Variants in LRPPRC observed in about 807,000 individuals in gnomAD.
The protein encoded by LRPPRC is leucine rich pentatricopeptide repeat containing.
A neutral mutation model predicts 180.3 loss-of-function variants in LRPPRC; 120 were observed. That is an observed-to-expected ratio of 0.67 (90% CI 0.57 to 0.77). LRPPRC has a LOEUF of 0.77. Among genes scored for constraint, LRPPRC ranks in the 30% least tolerant of loss-of-function variants. The pLI is 0.00. For missense variants in LRPPRC, 2,012 were observed against 1,657.2 expected, an observed-to-expected ratio of 1.21 and a Z score of -3.72; for synonymous variants, 723 against 600.0, an observed-to-expected ratio of 1.21 and a Z score of -3.00.
rs932498467 is a variant in LRPPRC at position 43,973,727 on chromosome 2, T to C, written c.1262-13A>G. 2.5e-6 allele frequency: 4 copies of C among 1,604,680 alleles called. No individual in the cohort carries two copies. The highest frequency in any genetic ancestry group is 1.3e-5 in the African/African-American group (1 of 74,864). ...GCTTTTGCCAAATCTGAAAGAGATA[T>C]CATAAAAGATCACAAAGCTACCTCA... On this transcript the variant is annotated splice_polypyrimidine_tract_variant and intron_variant, in intron 10 of 37. Transcript: ENST00000260665.
chr2:43,894,714 AT>A, intron 35 of LRPPRC, 85 bp from the exon 36 acceptor site: 1 of 756,628 alleles, frequency 1.3e-6, no homozygotes, highest in Non-Finnish European at 2.4e-6. Flanking sequence ...TATATTAAAA[AT>A]TTTCACAATA....
chr2:43,993,140 A>G (rs943463615), intron 1 of LRPPRC, among the ~76,000 whole-genome samples: 3 of 152,206 alleles, frequency 2.0e-5, no homozygotes, highest in Non-Finnish European at 2.9e-5. Context: ...ACAGAGTAAT[A>G]TGCCAGGTCA....
At chr2:43,959,358 C>A (rs932720398) in intron 13 of LRPPRC, 2 of 596,872 alleles carry the variant, frequency 3.4e-6, no homozygotes, top group African/African-American at 1.9e-5. Context: ...TACAATATTA[C>A]AACAAATATT....
chr2:43,943,458 G>A (rs1448426397), intron 23 of LRPPRC, among the ~76,000 whole-genome samples: 8 of 151,846 alleles, frequency 5.3e-5, no homozygotes, highest in Non-Finnish European at 1.0e-4. Flanking sequence ...GTGATCACAT[G>A]CTCCTACAAA....
At chr2:43,889,042 C>T (rs546779464) in intron 37 of LRPPRC, among the ~76,000 whole-genome samples, 5 of 152,268 alleles carry the variant, frequency 3.3e-5, no homozygotes, top group South Asian at 2.1e-4. Context: ...ACATGCCGGG[C>T]ACAGTGGCTC....
intron 23 of LRPPRC, among the ~76,000 whole-genome samples, chr2:43,936,264 T>C (rs1672275192): frequency 6.6e-6 from 1 of 152,166 alleles, no homozygotes; most frequent in Non-Finnish European, 1.5e-5. Context: ...GGACTTCCCA[T>C]TGTCAGTTCA....
At chr2:43,916,383 A>G (rs753083867) in intron 29 of LRPPRC, among the ~76,000 whole-genome samples, 22 of 152,312 alleles carry the variant, frequency 1.4e-4, no homozygotes, top group Middle Eastern at 3.4e-3. Flanking sequence ...AGACGGTCAT[A>G]AAAAATTTAA....
chr2:43,962,598 C>T (rs573223074), intron 12 of LRPPRC, among the ~76,000 whole-genome samples: 1 of 152,300 alleles, frequency 6.6e-6, no homozygotes, highest in East Asian at 1.9e-4. Flanking sequence ...GTGGAAAACG[C>T]AACCTTTGCT....
intron 7 of LRPPRC, 36 bp from the exon 8 acceptor site, chr2:43,974,794 G>A (rs1156965427): frequency 3.1e-6 from 5 of 1,600,784 alleles, no homozygotes; most frequent in Admixed American, 3.3e-5. Context: ...GACAAAGTTA[G>A]AGTGTTTTTA....
Position 43,955,285 on chromosome 2 carries a change from C to T in LRPPRC, c.1649+2100G>A, listed in dbSNP as rs113305187. ...GAGTTCAAGACCAGCCTGGGCAACA[C>T]GGTGAGACTCCATCTCCACAAAAAA... On this transcript the variant is annotated intron_variant, in intron 14 of 37. Coordinates refer to ENST00000260665, the MANE Select transcript of LRPPRC (RefSeq NM_133259.4). 2.0e-3 allele frequency among the ~76,000 whole-genome samples: 304 copies of T among 151,786 alleles called. 1 individual carries two copies. Among genetic ancestry groups the T allele is most frequent in the African/African-American group, 6.9e-3 (286 of 41,354 alleles).
chr2:43,889,122 G>C (rs368559290), intron 37 of LRPPRC, among the ~76,000 whole-genome samples: 68 of 151,998 alleles, frequency 4.5e-4, no homozygotes, highest in Non-Finnish European at 7.5e-4. Flanking sequence ...CAAGACCAGC[G>C]TGGCCAACAT....
intron 27 of LRPPRC, 102 bp from the exon 28 acceptor site, chr2:43,918,500 T>G (rs1671561247): frequency 1.1e-6 from 1 of 913,526 alleles, no homozygotes; most frequent in Admixed American, 2.0e-5. Context: ...GAAAGCATTA[T>G]TCCAAATGCT....
intron 36 of LRPPRC, among the ~76,000 whole-genome samples, chr2:43,891,795 T>G (rs964533001): frequency 6.6e-6 from 1 of 152,218 alleles, no homozygotes; most frequent in Non-Finnish European, 1.5e-5. Flanking sequence ...AAGCTTAGCT[T>G]AGTGAGGAAG....
In LRPPRC at chr2:43,915,230, TCTCACACACACA is replaced by T. The variant is rs1283146840; in HGVS notation, c.3149-2684_3149-2673del. 8.9e-4 allele frequency among the ~76,000 whole-genome samples: 42 copies of T among 47,430 alleles called. No homozygotes were observed. In the East Asian group the frequency reaches 0.021, roughly 23 times the overall value. 31.1% of individuals were successfully genotyped at this position (47,430 alleles called of 152,430 possible). ...CTCTCTCTCTCTCTCTCTCTCTCTC[TCTCACACACACA>T]CACACACACACACACACACACACAC... On this transcript the variant is annotated intron_variant, in intron 29 of 37. Transcript: ENST00000260665.
chr2:43,985,191 G>T (rs935232323), intron 1 of LRPPRC, among the ~76,000 whole-genome samples: 1 of 151,710 alleles, frequency 6.6e-6, no homozygotes, highest in African/African-American at 2.4e-5. Flanking sequence ...AGACTGACTA[G>T]AAAAAAACCC....
intron 31 of LRPPRC, chr2:43,901,919 T>C (rs889139484): frequency 2.3e-5 from 4 of 172,958 alleles, no homozygotes; most frequent in Non-Finnish European, 3.7e-5. Context: ...AACTCGAAGA[T>C]TAAATGATCA....
chr2:43,912,296 T>C, intron 30 of LRPPRC, 136 bp downstream of exon 30: 3 of 746,108 alleles, frequency 4.0e-6, no homozygotes, highest in Non-Finnish European at 6.9e-6. Context: ...TAGTTAACCA[T>C]TTCATATGAT....
At chr2:43,966,970 G>A (rs1024473517) in intron 11 of LRPPRC, among the ~76,000 whole-genome samples, 1 of 152,080 alleles carries the variant, frequency 6.6e-6, no homozygotes, top group Non-Finnish European at 1.5e-5. Context: ...AGAACTGCTT[G>A]AACCCAGAGG....
intron 1 of LRPPRC, among the ~76,000 whole-genome samples, chr2:43,983,723 C>A (rs962321694): frequency 6.6e-6 from 1 of 152,114 alleles, no homozygotes; most frequent in Admixed American, 6.5e-5. Flanking sequence ...ATAAAACTTA[C>A]ATTTCTATCC....
Sources: allele counts gnomAD v4.1 joint callset (sites outside exome capture counted in the v4.1 genomes callset), GRCh38; gene constraint gnomAD v4.1.1; transcripts MANE v1.5; gene names NCBI Gene and HGNC (gene_info 2026-07-23, HGNC 2026-07-21).